Variants in PIEZO2 observed in about 807,000 individuals in gnomAD.
The protein encoded by PIEZO2 is piezo type mechanosensitive ion channel component 2.
Under a neutral mutation model 337.3 loss-of-function variants are expected in PIEZO2, and 172 were observed. The ratio of observed to expected loss-of-function variants is 0.51; its 90% confidence interval spans 0.45 to 0.58. The LOEUF is 0.58. PIEZO2 is among the 20% of genes least tolerant of loss of function. The pLI, the probability that PIEZO2 is intolerant of heterozygous loss-of-function variation, is 0.00. For missense variants in PIEZO2, 3,028 were observed against 3,391.3 expected (o/e 0.89, Z 2.66); for synonymous variants, 1,251 against 1,228.5 (o/e 1.02, Z -0.38).
chr18:10,975,433 A>T (rs1003875589), intron 3 of PIEZO2, among the ~76,000 whole-genome samples: 1 of 152,074 alleles, frequency 6.6e-6, no homozygotes, highest in African/African-American at 2.4e-5. Flanking sequence ...CCCTGCCCCC[A>T]TGGACTCCTC....
rs549457497 is a variant in PIEZO2 at position 11,031,075 on chromosome 18, C to T, written c.160+35052G>A. Among the ~76,000 whole-genome samples the T allele has an allele frequency of 4.6e-5, 7 of 152,110 alleles. 1 individual carries two copies. The highest frequency in any genetic ancestry group is 4.2e-4 in the South Asian group (2 of 4,816). ...CGTGATCTTGGCTCATTGCAAACGC[C>T]GCCTCCCGGGTTCACACCATTCTCC... On this transcript the variant is annotated intron_variant, in intron 2 of 55. Transcript: ENST00000674853. The surrounding 1 kb of genome is among the most constrained non-coding windows in gnomAD (Gnocchi z 4.7).
chr18:11,118,147 G>T (rs2039938322), intron 1 of PIEZO2, among the ~76,000 whole-genome samples: 1 of 152,134 alleles, frequency 6.6e-6, no homozygotes, highest in Non-Finnish European at 1.5e-5. Flanking sequence ...TTGTGTAAAT[G>T]ATTCCTCAGG....
At chr18:10,939,257 A>T (rs775408184) in intron 3 of PIEZO2, among the ~76,000 whole-genome samples, 2 of 145,060 alleles carry the variant, frequency 1.4e-5, no homozygotes, top group Non-Finnish European at 3.1e-5. Context: ...GATGCAAAAA[A>T]GTTATATTAT....
In PIEZO2 at chr18:10,923,795, A is replaced by G. The variant is rs563465685; in HGVS notation, c.287-12567T>C. ...CTGCAATTTCAGCAGGGCAGATGGC[A>G]ATGATTCAACTCTTGCAGCAAATTA... On this transcript the variant is annotated intron_variant, in intron 3 of 55. Transcript: ENST00000674853. Among the ~76,000 whole-genome samples, 5 of 144,066 alleles carry G rather than the reference A, an allele frequency of 3.5e-5. 1 individual carries two copies. The South Asian group carries it at 1.2e-3, about 36-fold the overall frequency. 94.5% of individuals were successfully genotyped at this position (144,066 alleles called of 152,430 possible).
Position 10,702,040 on chromosome 18 carries a change from G to A in PIEZO2, c.6390C>T (p.Leu2130=), listed in dbSNP as rs929640170. The A allele has an allele frequency of 4.6e-6, 7 of 1,536,246 alleles. No individual in the cohort carries two copies. The highest frequency in any genetic ancestry group is 6.1e-6 in the Non-Finnish European group (7 of 1,146,618). The change falls in exon 43 of 56, where the codon CTC becomes CTT. Residue 2130 remains leucine, a synonymous_variant. Transcript: ENST00000674853. ...IGVEKKEGYV[L]YDLIQLLALF... Reference sequence around the variant, plus strand: ...GAGCCAGGAGCTGGATGAGGTCATAGAGAACATAACCTTCCTTCTTTTCCA... The same window carrying A: ...GAGCCAGGAGCTGGATGAGGTCATAAAGAACATAACCTTCCTTCTTTTCCA...
chr18:10,880,911 TGA>T (rs1456514080), intron 4 of PIEZO2, among the ~76,000 whole-genome samples: 1 of 125,420 alleles, frequency 8.0e-6, no homozygotes, highest in East Asian at 2.4e-4. Flanking sequence ...AATTTTGATA[TGA>T]GAGAGAGACT....
Position 10,702,565 on chromosome 18 carries a change from G to T in PIEZO2, c.6259-394C>A, listed in dbSNP as rs889244027. ...ACATACTCGTATCTTTCTAGTTTCT[G>T]TATTTCTTTAATTCGCAATCTATAG... On this transcript the variant is annotated intron_variant, in intron 42 of 55. Coordinates refer to ENST00000674853, the MANE Select transcript of PIEZO2 (RefSeq NM_001378183.1). 7.9e-5 allele frequency among the ~76,000 whole-genome samples: 12 copies of T among 152,268 alleles called. No homozygotes were observed. In the East Asian group the frequency reaches 2.1e-3, roughly 27 times the overall value.
intron 1 of PIEZO2, among the ~76,000 whole-genome samples, chr18:11,117,907 C>G (rs936431651): frequency 2.6e-5 from 4 of 152,192 alleles, no homozygotes; most frequent in Non-Finnish European, 5.9e-5. Flanking sequence ...CCAAGGGATA[C>G]AGTAGCTGCA....
At position 11,015,832 on chromosome 18, in the gene PIEZO2, C is replaced by G. The variant is rs7238174; in HGVS notation, c.161-36172G>C. 2.2e-3 allele frequency among the ~76,000 whole-genome samples: 329 copies of G among 152,318 alleles called. 2 individuals are homozygous for G. The highest frequency in any genetic ancestry group is 7.7e-3 in the African/African-American group (319 of 41,578). ...TAAACACGAACACACACAAAAAACCCTTTAAGGCTGACACTTTAAATCAAA... is the reference window on the plus strand; with the variant it reads ...TAAACACGAACACACACAAAAAACCGTTTAAGGCTGACACTTTAAATCAAA... On this transcript the variant is annotated intron_variant, in intron 2 of 55. Coordinates refer to ENST00000674853, the MANE Select transcript of PIEZO2 (RefSeq NM_001378183.1).
chr18:10,745,547 G>T (rs1310447410), intron 30 of PIEZO2, among the ~76,000 whole-genome samples: 1 of 151,998 alleles, frequency 6.6e-6, no homozygotes, highest in Non-Finnish European at 1.5e-5. Context: ...TGTTATTTTT[G>T]TCCTTATATA....
chr18:11,062,659 A>T (rs1350349431), intron 2 of PIEZO2, among the ~76,000 whole-genome samples: 1 of 152,260 alleles, frequency 6.6e-6, no homozygotes, highest in Non-Finnish European at 1.5e-5. Flanking sequence ...ACACGAAAAA[A>T]TGCTCATCAT....
intron 1 of PIEZO2, among the ~76,000 whole-genome samples, chr18:11,117,388 G>A (rs2039921743): frequency 6.6e-6 from 1 of 152,144 alleles, no homozygotes; most frequent in South Asian, 2.1e-4. Context: ...TAGCGGATGA[G>A]CACACATTCT....
intron 14 of PIEZO2, among the ~76,000 whole-genome samples, 188 bp from the exon 15 acceptor site, chr18:10,789,553 T>C (rs1011076802): frequency 1.3e-5 from 2 of 152,222 alleles, no homozygotes; most frequent in Non-Finnish European, 2.9e-5. Flanking sequence ...TTCATAACCT[T>C]CTCAAAATAT....
Position 10,877,536 on chromosome 18 carries a change from C to A in PIEZO2, c.330-6121G>T, listed in dbSNP as rs376038650. Reference sequence around the variant, plus strand: ...CCTATAGTCCTAATTTTGGAAAACACGGCTGTCATCAACCTAGTGACCAAA... The same window carrying A: ...CCTATAGTCCTAATTTTGGAAAACAAGGCTGTCATCAACCTAGTGACCAAA... On this transcript the variant is annotated intron_variant, in intron 4 of 55. Transcript: ENST00000674853. This position sits in a 1 kb window ranked among gnomAD's most constrained non-coding sequence, Gnocchi z 5.3. Among the ~76,000 whole-genome samples the A allele has an allele frequency of 6.6e-6, 1 of 152,110 alleles. No homozygotes were observed. Among genetic ancestry groups the A allele is most frequent in the Admixed American group, 6.5e-5 (1 of 15,282 alleles).
At chr18:10,886,486 C>A (rs2042605650) in intron 4 of PIEZO2, among the ~76,000 whole-genome samples, 3 of 3,138 alleles carry the variant, frequency 9.6e-4, no homozygotes, top group Admixed American at 4.4e-3. Context: ...AATATCCAAA[C>A]CATATATATA....
intron 5 of PIEZO2, among the ~76,000 whole-genome samples, chr18:10,866,448 G>T (rs1402479058): frequency 1.3e-5 from 2 of 152,096 alleles, no homozygotes; most frequent in East Asian, 1.9e-4. Flanking sequence ...ACCACACCTG[G>T]CTAATTTTTT....
intron 39 of PIEZO2, 123 bp downstream of exon 39, chr18:10,714,641 G>C: frequency 1.9e-6 from 2 of 1,074,212 alleles, no homozygotes; most frequent in Non-Finnish European, 2.6e-6. Flanking sequence ...ACAGCTGGAA[G>C]AGGGTGGGGG....
chr18:10,677,601 G>T lies in PIEZO2; in HGVS notation c.8081+146C>A. ...GCTGAGATTAAGTTTCTTTAATCTTGCAAAATGGGGCCTCCAAATAGAAAT... is the reference window on the plus strand; with the variant it reads ...GCTGAGATTAAGTTTCTTTAATCTTTCAAAATGGGGCCTCCAAATAGAAAT... On this transcript the variant is annotated intron_variant, in intron 53 of 55. Transcript: ENST00000674853. The surrounding 1 kb of genome is among the most constrained non-coding windows in gnomAD (Gnocchi z 4.1). The T allele has an allele frequency of 1.0e-6, 1 of 966,398 alleles. No homozygotes were observed. Among genetic ancestry groups the T allele is most frequent in the Non-Finnish European group, 1.5e-6 (1 of 654,934 alleles). 59.9% of individuals were successfully genotyped at this position (966,398 alleles called of 1,614,324 possible).
intron 21 of PIEZO2, among the ~76,000 whole-genome samples, chr18:10,764,069 C>T (rs955067219): frequency 1.3e-5 from 2 of 152,150 alleles, no homozygotes; most frequent in African/African-American, 4.8e-5. Context: ...GGGCTGCATG[C>T]GAGTTCGTTG....
Sources: gnomAD v4.1 joint callset for allele counts (sites outside exome capture counted in the v4.1 genomes callset) on GRCh38, gnomAD v4.1.1 for gene constraint, Gnocchi (gnomAD v3.1) non-coding constraint, MANE v1.5 for transcripts, NCBI Gene and HGNC (gene_info 2026-07-23, HGNC 2026-07-21) for gene names.